PKD1: variants seen among roughly 807,000 people sequenced by gnomAD.
The protein encoded by PKD1 is polycystin-1.
A neutral mutation model predicts 361.7 loss-of-function variants in PKD1; 81 were observed. The observed-to-expected ratio is 0.22, with a 90% CI of 0.19 to 0.27. The LOEUF is 0.27. Ranked by LOEUF, PKD1 falls within the 10% of genes least tolerant of loss-of-function variation. PKD1 has a pLI of 1.00. For synonymous variants in PKD1, 3,615 were observed against 2,818.3 expected, an observed-to-expected ratio of 1.28 and a Z score of -8.95; for missense variants, 6,399 against 6,118.3, an observed-to-expected ratio of 1.05 and a Z score of -1.53.
chr16:2,125,043 G>A (rs1258123795), intron 1 of PKD1, among the ~76,000 whole-genome samples: 1 of 152,198 alleles, frequency 6.6e-6, no homozygotes, highest in Non-Finnish European at 1.5e-5. Context: ...AGGCGGCAGT[G>A]CCACCCCCAC....
Position 2,109,044 on chromosome 16 carries a change from G to A in PKD1, c.6123C>T (p.Arg2041=), listed in dbSNP as rs764087505. The part of the protein sequence containing the change: ...VAAGLLEIQV[R]AFNALGSENR... ...TCTCACTGCCCAGGGCGTTGAAGGCGCGCACCTGGATCTCCAACAGCCCCG... is the reference window on the plus strand; with the variant it reads ...TCTCACTGCCCAGGGCGTTGAAGGCACGCACCTGGATCTCCAACAGCCCCG... The change falls in exon 15 of 46, where the codon CGC becomes CGT. Residue 2041 remains arginine, a synonymous_variant. Transcript: ENST00000262304. The A allele has an allele frequency of 3.5e-5, 57 of 1,607,798 alleles. No homozygotes were observed. The highest frequency in any genetic ancestry group is 1.3e-4 in the Admixed American group (8 of 59,908).
chr16:2,108,570 C>T lies in PKD1; in HGVS notation c.6597G>A (p.Gly2199=), dbSNP rs755997049. ...VYRTASCQRP[G]RPARVALPGV... ...CGGGCAGGGCCACACGCGCTGGGCGCCCCGGCCGCTGGCAGCTGGCGGTGC... is the reference window on the plus strand; with the variant it reads ...CGGGCAGGGCCACACGCGCTGGGCGTCCCGGCCGCTGGCAGCTGGCGGTGC... Residue 2199 remains glycine, a synonymous_variant, in exon 15 of 46, where the codon GGG becomes GGA. Coordinates refer to ENST00000262304, the MANE Select transcript of PKD1 (RefSeq NM_001009944.3). The T allele has an allele frequency of 3.8e-6, 6 of 1,569,008 alleles. No homozygotes were observed. The highest frequency in any genetic ancestry group is 5.2e-6 in the Non-Finnish European group (6 of 1,157,284).
intron 33 of PKD1, 32 bp downstream of exon 33, chr16:2,097,287 C>T: frequency 2.5e-6 from 4 of 1,610,122 alleles, no homozygotes; most frequent in Non-Finnish European, 2.5e-6. Flanking sequence ...CAAGGGTGAG[C>T]TTCAGAGCCC....
intron 37 of PKD1, 102 bp from the exon 38 acceptor site, chr16:2,093,195 G>A: frequency 2.8e-6 from 4 of 1,431,260 alleles, no homozygotes; most frequent in Admixed American, 1.7e-5. Flanking sequence ...TGTGGCTGCA[G>A]GAAGGTGAGC....
rs1411326281 is a variant in PKD1 at position 2,093,805 on chromosome 16, C to A, written c.10821+6G>T. The A allele has an allele frequency of 6.4e-7, 1 of 1,554,544 alleles. No individual in the cohort carries two copies. Among genetic ancestry groups the A allele is most frequent in the East Asian group, 2.4e-5 (1 of 41,588 alleles). ...GCCTGTAGCCTACCCCTGGCAGCCCCCTCACCTTCAGTGGCTCCCAGCCGA... is the reference window on the plus strand; with the variant it reads ...GCCTGTAGCCTACCCCTGGCAGCCCACTCACCTTCAGTGGCTCCCAGCCGA... On this transcript the variant is annotated splice_donor_region_variant and intron_variant, in intron 36 of 45. Coordinates refer to ENST00000262304, the MANE Select transcript of PKD1 (RefSeq NM_001009944.3).
chr16:2,127,032 G>C (rs1023964540), intron 1 of PKD1, among the ~76,000 whole-genome samples: 1 of 152,122 alleles, frequency 6.6e-6, no homozygotes, highest in Middle Eastern at 3.2e-3. Flanking sequence ...GGCCCTCATA[G>C]AGATGCCCTG....
At position 2,091,877 on chromosome 16, in the gene PKD1, T is replaced by C; in HGVS notation, c.11441A>G (p.Tyr3814Cys). The change falls in exon 41 of 46, where the codon TAT becomes TGT. Residue 3814 changes from tyrosine to cysteine, a missense_variant. Tyr to Cys is a radical substitution (Grantham distance 194). Coordinates refer to ENST00000262304, the MANE Select transcript of PKD1 (RefSeq NM_001009944.3). The part of the protein sequence containing the change: ...GAWSWGSCAV[Y>C]DSGGYVQELG... ...CTCCTGCACGTAGCCCCCGCTGTCA[T>C]ACACGGCACAGGAGCCCCAGGACCA... 1 of 1,611,440 alleles carries C rather than the reference T, an allele frequency of 6.2e-7. No individual in the cohort carries two copies. Among genetic ancestry groups the C allele is most frequent in the Non-Finnish European group, 8.5e-7 (1 of 1,179,544 alleles).
intron 7 of PKD1, 85 bp from the exon 8 acceptor site, chr16:2,116,729 C>G (rs535919361): frequency 1.7e-6 from 2 of 1,146,422 alleles, no homozygotes; most frequent in Admixed American, 4.0e-5. Flanking sequence ...CGCCCGAAAA[C>G]CCCCCCACCA....
chr16:2,131,517 A>C (rs1022397356), intron 1 of PKD1, among the ~76,000 whole-genome samples: 5 of 141,266 alleles, frequency 3.5e-5, no homozygotes, highest in African/African-American at 1.5e-4. Flanking sequence ...CAAATAATAA[A>C]AATAAATAAA....
At chr16:2,124,737 G>T (rs1234353807) in intron 1 of PKD1, among the ~76,000 whole-genome samples, 1 of 152,238 alleles carries the variant, frequency 6.6e-6, no homozygotes, top group African/African-American at 2.4e-5. Flanking sequence ...GGTCAGCAGC[G>T]GGTGTGCGCC....
At position 2,093,284 on chromosome 16, in the gene PKD1, GACAC is replaced by G. The variant is rs1276572170; in HGVS notation, c.11017-195_11017-192del. 4.1e-6 allele frequency: 3 copies of G among 723,160 alleles called. No individual in the cohort carries two copies. In the African/African-American group the frequency reaches 5.2e-5, roughly 13 times the overall value. The allele number at this position is 723,160 out of a possible 1,614,324, so 44.8% of individuals were successfully genotyped here. On this transcript the variant is annotated intron_variant, in intron 37 of 45. Coordinates refer to ENST00000262304, the MANE Select transcript of PKD1 (RefSeq NM_001009944.3). ...CTGCCCGGAACCCCACCTGGGGGCAGACACACAGGCCACTGCAGTGGTGCTTAGG... is the reference window on the plus strand; with the variant it reads ...CTGCCCGGAACCCCACCTGGGGGCAGACAGGCCACTGCAGTGGTGCTTAGG...
In PKD1 at chr16:2,109,098, G is replaced by T; in HGVS notation, c.6069C>A (p.Gly2023=). 6.2e-7 allele frequency: 1 copy of T among 1,603,364 alleles called. No individual in the cohort carries two copies. The highest frequency in any genetic ancestry group is 1.1e-5 in the South Asian group (1 of 90,908). ...VQGDSLVILS[G]RDVTYTPVAA... Reference sequence around the variant, plus strand: ...CCACGGGCGTGTAGGTGACGTCGCGGCCCGACAGGATGACCAGCGAGTCGC... The same window carrying T: ...CCACGGGCGTGTAGGTGACGTCGCGTCCCGACAGGATGACCAGCGAGTCGC... The change falls in exon 15 of 46, where the codon GGC becomes GGA. Residue 2023 remains glycine (G), a synonymous_variant. Transcript: ENST00000262304.
chr16:2,093,896 C>A lies in PKD1; in HGVS notation c.10736G>T (p.Ser3579Ile). 2 of 1,578,436 alleles carry A rather than the reference C, an allele frequency of 1.3e-6. No individual in the cohort carries two copies. The highest frequency in any genetic ancestry group is 1.7e-6 in the Non-Finnish European group (2 of 1,167,556). The change falls in exon 36 of 46, where the codon AGC (serine) becomes ATC (isoleucine). Residue 3579 changes from serine (S) to isoleucine (I), a missense_variant. Transcript: ENST00000262304. ...CGCAACACTCACGCCCGGGGGGAAG[C>A]TCGCACCCACCCACCCTGAGACAGC... The part of the protein sequence containing the change: ...AVAVSGWVGA[S>I]FPPGVSVAWL...
chr16:2,097,262 G>A (rs1422066246), intron 33 of PKD1, 21 bp from the exon 34 acceptor site: 3 of 1,601,534 alleles, frequency 1.9e-6, no homozygotes, highest in South Asian at 1.1e-5. Flanking sequence ...AGGAGGCATA[G>A]GGTGGGCCCA....
Position 2,099,892 on chromosome 16 carries a change from A to C in PKD1, c.9892T>G (p.Trp3298Gly). 1 of 1,566,486 alleles carries C rather than the reference A, an allele frequency of 6.4e-7. No individual in the cohort carries two copies. The highest frequency in any genetic ancestry group is 8.6e-7 in the Non-Finnish European group (1 of 1,157,076). The change falls in exon 29 of 46, where the codon TGG becomes GGG. Residue 3298 changes from tryptophan (W) to glycine (G), a missense_variant. Physicochemically the swap from Trp to Gly is radical, Grantham distance 184. Coordinates refer to ENST00000262304, the MANE Select transcript of PKD1 (RefSeq NM_001009944.3). ...ICLFLGANAV[W>G]YGAVGDSAYS... ...GCAGAGTCGCCAACAGCCCCGTACC[A>C]CACGGCGTTGGCGCCCAGGAAGAGG...
At chr16:2,107,547 G>A (rs538502948) in intron 16 of PKD1, 9 of 439,952 alleles carry the variant, frequency 2.0e-5, no homozygotes, top group South Asian at 1.9e-4. Context: ...GAGCGTGAGG[G>A]TGAGAACCGG....
rs1406113964 is a variant in PKD1 at position 2,093,106 on chromosome 16, G to A, written c.11017-13C>T. ...ACACCAGGAGGCTCTGGTGGACGGGGGGGCCCTGTGGTCAGCCTGGCCCCA... is the reference window on the plus strand; with the variant it reads ...ACACCAGGAGGCTCTGGTGGACGGGAGGGCCCTGTGGTCAGCCTGGCCCCA... On this transcript the variant is annotated splice_polypyrimidine_tract_variant and intron_variant, in intron 37 of 45. Coordinates refer to ENST00000262304, the MANE Select transcript of PKD1 (RefSeq NM_001009944.3). 2.5e-6 allele frequency: 4 copies of A among 1,612,098 alleles called. No homozygotes were observed. Among genetic ancestry groups the A allele is most frequent in the Middle Eastern group, 3.5e-4 (2 of 5,662 alleles).
intron 1 of PKD1, among the ~76,000 whole-genome samples, chr16:2,120,449 G>C (rs563176047): frequency 4.6e-4 from 70 of 152,322 alleles, no homozygotes; most frequent in African/African-American, 1.6e-3. Flanking sequence ...AGGAAACTGG[G>C]TGTGGTGGCT....
intron 1 of PKD1, 186 bp downstream of exon 1, chr16:2,135,289 G>C (rs1596636101): frequency 1.3e-5 from 13 of 985,160 alleles, no homozygotes; most frequent in Admixed American, 6.1e-5. Flanking sequence ...GGGGTTTTTC[G>C]GCTCCCCGGG....
Sources: allele counts gnomAD v4.1 joint callset (sites outside exome capture counted in the v4.1 genomes callset), GRCh38; gene constraint gnomAD v4.1.1; transcripts MANE v1.5; gene names NCBI Gene and HGNC (gene_info 2026-07-23, HGNC 2026-07-21).